The following KYAT3 variants were observed in gnomAD, a reference collection of about 807,000 sequenced individuals.
KYAT3 encodes kynurenine--oxoglutarate transaminase 3.
Under a neutral mutation model 59.0 loss-of-function variants are expected in KYAT3, and 50 were observed. That is an observed-to-expected ratio of 0.85 (90% confidence interval 0.68 to 1.07). KYAT3 has a LOEUF of 1.07. KYAT3 is among the 50% of genes least tolerant of loss of function. The pLI, the probability that KYAT3 is intolerant of heterozygous loss-of-function variation, is 0.00. For missense variants in KYAT3, 497 were observed against 533.3 expected (o/e 0.93, Z 0.67); for synonymous variants, 148 against 177.0 (o/e 0.84, Z 1.30).
chr1:88,983,947 C>T (rs1295888664), intron 2 of KYAT3: 4 of 1,094,986 alleles, frequency 3.7e-6, no homozygotes, highest in South Asian at 2.7e-5. Flanking sequence ...GACTGAACCG[C>T]GAAGCCGCTA....
intron 4 of KYAT3, among the ~76,000 whole-genome samples, chr1:88,965,381 A>T (rs1310328805): frequency 1.3e-5 from 2 of 152,324 alleles, no homozygotes; most frequent in African/African-American, 4.8e-5. Context: ...GCTCTTCCTG[A>T]TTGCTGGAGA....
At chr1:88,982,126 G>T (rs1180741099) in intron 2 of KYAT3, 3 of 981,224 alleles carry the variant, frequency 3.1e-6, no homozygotes, top group South Asian at 4.7e-5. Context: ...TGGGTTTACT[G>T]GGTGAATAGC....
intron 9 of KYAT3, among the ~76,000 whole-genome samples, chr1:88,954,068 A>T (rs1214291486): frequency 2.0e-5 from 3 of 151,842 alleles, no homozygotes; most frequent in African/African-American, 7.3e-5. Context: ...CGCCCAGCTA[A>T]TTTTTTTGTA....
At chr1:88,929,735 G>A in the KYAT3 span, among the ~76,000 whole-genome samples, 1 of 152,194 alleles carries the variant, frequency 6.6e-6, no homozygotes, top group South Asian at 2.1e-4. Flanking sequence ...TAAATACTTA[G>A]GGTTAAAATT....
rs566039914 is a variant in KYAT3 at position 88,989,705 on chromosome 1, T to C, written c.-1-1354A>G. ...ATTTCACCCCAGACTGGGTGAGCCATACTCTCTAGGTACCAGGCCTCAATG... is the reference window on the plus strand; with the variant it reads ...ATTTCACCCCAGACTGGGTGAGCCACACTCTCTAGGTACCAGGCCTCAATG... On this transcript the variant is annotated intron_variant, in intron 1 of 13. Transcript: ENST00000260508. 5.3e-5 allele frequency among the ~76,000 whole-genome samples: 8 copies of C among 152,252 alleles called. No homozygotes were observed. In the South Asian group the frequency reaches 1.7e-3, roughly 32 times the overall value.
chr1:88,968,577 T>C (rs1676429887), intron 4 of KYAT3, 93 bp downstream of exon 4: 8 of 1,029,166 alleles, frequency 7.8e-6, no homozygotes, highest in Non-Finnish European at 9.5e-6. Context: ...AAGTCACTTA[T>C]ATATGAATGA....
At chr1:88,982,124 C>T (rs1677120411) in intron 2 of KYAT3, 1 of 982,488 alleles carries the variant, frequency 1.0e-6, no homozygotes, top group Non-Finnish European at 1.2e-6. Context: ...TTTGGGTTTA[C>T]TGGGTGAATA....
intron 2 of KYAT3, chr1:88,981,212 A>T (rs550931136): frequency 6.6e-4 from 101 of 152,368 alleles, no homozygotes; most frequent in African/African-American, 2.4e-3. Flanking sequence ...GATGTCACTC[A>T]TAAGTTTTAT....
chr1:88,964,198 T>G (rs542097565), intron 5 of KYAT3, among the ~76,000 whole-genome samples: 7 of 151,504 alleles, frequency 4.6e-5, no homozygotes, highest in South Asian at 2.1e-4. Flanking sequence ...TGGGACTCCA[T>G]CTCAAAAAAA....
rs779046036 is a variant in KYAT3, at chr1:88,968,716, G to T, written c.257C>A (p.Ser86Ter). The change falls in exon 4 of 14, where the codon TCA (serine) becomes TAA (stop). Residue 86 changes from serine (S) to a stop codon, truncating the protein, a stop_gained. Transcript: ENST00000260508. LOFTEE classifies it high-confidence loss of function. ...CAGGCTATCGATTGCTGCAATCTTT[G>T]ATAATTCTTCTTTTACATATGTAGG... Reference protein sequence around the residue: ...SPPTYVKEELSKIAAIDSLNQ... With the variant: ...SPPTYVKEEL The T allele has an allele frequency of 1.3e-6, 2 of 1,599,546 alleles. No homozygotes were observed. Among genetic ancestry groups the T allele is most frequent in the East Asian group, 2.3e-5 (1 of 44,274 alleles).
chr1:88,950,985 T>A (rs1675643677), intron 10 of KYAT3, among the ~76,000 whole-genome samples: 1 of 152,222 alleles, frequency 6.6e-6, no homozygotes, highest in African/African-American at 2.4e-5. Context: ...TTCTCTGATA[T>A]TAACATGCCA....
chr1:88,956,525 T>C (rs557765788), intron 8 of KYAT3, among the ~76,000 whole-genome samples: 134 of 152,296 alleles, frequency 8.8e-4, no homozygotes, highest in African/African-American at 2.6e-3. Flanking sequence ...TCAAAAAATT[T>C]AATGTCTAGT....
At chr1:88,967,392 A>G (rs1043017058) in intron 4 of KYAT3, among the ~76,000 whole-genome samples, 5 of 151,984 alleles carry the variant, frequency 3.3e-5, no homozygotes, top group Non-Finnish European at 7.4e-5. Context: ...CAGAACTGGT[A>G]TTATTAGGTT....
chr1:88,982,952 C>G, intron 2 of KYAT3: 5 of 1,613,890 alleles, frequency 3.1e-6, no homozygotes, highest in Non-Finnish European at 4.2e-6. Context: ...TGGAGCACTA[C>G]GTGAGTTACC....
intron 2 of KYAT3, among the ~76,000 whole-genome samples, chr1:88,977,360 C>A (rs947773603): frequency 1.3e-5 from 2 of 152,152 alleles, no homozygotes; most frequent in Admixed American, 6.6e-5. Flanking sequence ...TGCCACTATG[C>A]CCAGCTAATT....
At chr1:88,934,189 T>C (rs536871640), downstream of KYAT3, among the ~76,000 whole-genome samples, 1 of 152,176 alleles carries the variant, frequency 6.6e-6, no homozygotes, top group African/African-American at 2.4e-5. Context: ...GTGCGGTGGC[T>C]CATGCCTATA....
intron 2 of KYAT3, among the ~76,000 whole-genome samples, chr1:88,978,731 A>C (rs1557702445): frequency 6.6e-6 from 1 of 150,634 alleles, no homozygotes; most frequent in South Asian, 2.1e-4. Flanking sequence ...GGCTGGTCTC[A>C]AACTCCTGGG....
At chr1:88,944,045 A>G in intron 11 of KYAT3, among the ~76,000 whole-genome samples, 1 of 152,212 alleles carries the variant, frequency 6.6e-6, no homozygotes. Context: ...CTTTTTTTAA[A>G]TTTGTGAAAA....
chr1:88,927,064 G>A, the KYAT3 span, among the ~76,000 whole-genome samples: 4 of 152,160 alleles, frequency 2.6e-5, no homozygotes, highest in East Asian at 1.9e-4. Flanking sequence ...ATCGGTAAGC[G>A]TAACTAATCC....
Sources: gnomAD v4.1 joint callset for allele counts (sites outside exome capture counted in the v4.1 genomes callset) on GRCh38, gnomAD v4.1.1 for gene constraint, MANE v1.5 for transcripts, NCBI Gene and HGNC (gene_info 2026-07-23, HGNC 2026-07-21) for gene names.